TRIO: variants seen among roughly 807,000 people sequenced by gnomAD.
TRIO encodes triple functional domain protein.
In TRIO, 58 loss-of-function variants were observed where a neutral mutation model predicts 351.9. The observed-to-expected ratio is 0.16, with a 90% CI of 0.13 to 0.21. TRIO has a LOEUF of 0.21. Ranked by LOEUF, TRIO falls within the 10% of genes least tolerant of loss-of-function variation. The pLI is 1.00. For missense variants in TRIO, 3,201 were observed against 4,027.8 expected (o/e 0.79, Z 5.56); for synonymous variants, 1,758 against 1,595.7 (o/e 1.10, Z -2.42).
At chr5:14,324,777 G>T (rs1444399283) in intron 9 of TRIO, among the ~76,000 whole-genome samples, 2 of 152,248 alleles carry the variant, frequency 1.3e-5, no homozygotes, top group Non-Finnish European at 2.9e-5. Context: ...ATTTCTCAAA[G>T]ATTAGAAAAG....
At chr5:14,300,672 C>T (rs1737796236) in intron 7 of TRIO, among the ~76,000 whole-genome samples, 1 of 152,228 alleles carries the variant, frequency 6.6e-6, no homozygotes, top group Admixed American at 6.5e-5. Context: ...TTAAATCAGC[C>T]TGGTGGAGCA....
chr5:14,461,301 C>T lies in TRIO; in HGVS notation c.5486C>T (p.Thr1829Met), dbSNP rs760274582. The change falls in exon 35 of 57, where the codon ACG becomes ATG. Residue 1829 changes from threonine (T) to methionine (M), a missense_variant. Physicochemically the swap from Thr to Met is moderately conservative, Grantham distance 81 (BLOSUM62 -1). Transcript: ENST00000344204. ...DDSAATPQDE[T>M]VEERGRNEGL... is the part of the protein sequence containing the mutation. Reference sequence around the variant, plus strand: ...AGTGCGGCCACCCCGCAGGACGAGACGGTCGAGGAGGTGAGGCTCTGCCCG... The same window carrying T: ...AGTGCGGCCACCCCGCAGGACGAGATGGTCGAGGAGGTGAGGCTCTGCCCG... The T allele has an allele frequency of 3.2e-6, 5 of 1,577,950 alleles. No individual in the cohort carries two copies. Among genetic ancestry groups the T allele is most frequent in the Middle Eastern group, 1.7e-4 (1 of 5,948 alleles).
intron 1 of TRIO, among the ~76,000 whole-genome samples, chr5:14,220,918 G>T (rs781775041): frequency 1.3e-5 from 2 of 152,216 alleles, no homozygotes; most frequent in Non-Finnish European, 2.9e-5. Context: ...TTCAGTGTAG[G>T]CAAAACAGCC....
chr5:14,447,682 T>C (rs1401607057), intron 34 of TRIO, among the ~76,000 whole-genome samples: 1 of 151,950 alleles, frequency 6.6e-6, no homozygotes, highest in Non-Finnish European at 1.5e-5. Flanking sequence ...AGTGATTTCA[T>C]TTTTTTTCAA....
At chr5:14,301,078 C>G (rs1423018450) in intron 7 of TRIO, among the ~76,000 whole-genome samples, 2 of 152,060 alleles carry the variant, frequency 1.3e-5, no homozygotes, top group African/African-American at 2.4e-5. Context: ...ATGAGTGGCT[C>G]CCAGATTGGA....
At chr5:14,417,703 G>A (rs932540518) in intron 33 of TRIO, among the ~76,000 whole-genome samples, 1 of 152,246 alleles carries the variant, frequency 6.6e-6, no homozygotes, top group East Asian at 1.9e-4. Context: ...GGTGACAGGG[G>A]AGAGCTGAGC....
At chr5:14,387,255 G>GCTCT (rs1383196635) in intron 21 of TRIO, 183 bp from the exon 22 acceptor site, 3 of 555,800 alleles carry the variant, frequency 5.4e-6, no homozygotes, top group Non-Finnish European at 9.6e-6. Flanking sequence ...CAGAGCTGAG[G>GCTCT]AGAGATAGCT....
chr5:14,251,504 C>T (rs972395757), intron 1 of TRIO, among the ~76,000 whole-genome samples: 1 of 152,192 alleles, frequency 6.6e-6, no homozygotes, highest in Non-Finnish European at 1.5e-5. Context: ...TTGGTGCTGC[C>T]GTCTTGGCGC....
chr5:14,288,968 A>C (rs1736679843), intron 4 of TRIO, among the ~76,000 whole-genome samples: 1 of 152,188 alleles, frequency 6.6e-6, no homozygotes, highest in East Asian at 1.9e-4. Flanking sequence ...GAGGCCAGGC[A>C]CAGTGGCTCA....
chr5:14,367,696 G>GC (rs139322731), intron 16 of TRIO, among the ~76,000 whole-genome samples: 2,168 of 152,312 alleles, frequency 0.014, 65 homozygotes, highest in African/African-American at 0.05. Flanking sequence ...TTTGATTACA[G>GC]AAATGTTATC....
chr5:14,406,106 T>C, intron 32 of TRIO, 116 bp downstream of exon 32: 1 of 1,388,324 alleles, frequency 7.2e-7, no homozygotes, highest in Non-Finnish European at 9.7e-7. Flanking sequence ...ATACATTTTT[T>C]AAACTGCCAT....
chr5:14,207,389 TACACACAC>T (rs70964544), intron 1 of TRIO, among the ~76,000 whole-genome samples: 389 of 11,712 alleles, frequency 0.033, 67 homozygotes, highest in South Asian at 0.045. Flanking sequence ...CAAGACTGTC[TACACACAC>T]ACACACACAC....
intron 1 of TRIO, among the ~76,000 whole-genome samples, chr5:14,147,308 T>C (rs1451236794): frequency 1.3e-5 from 2 of 152,194 alleles, no homozygotes; most frequent in African/African-American, 4.8e-5. Context: ...TGCTCTTTCC[T>C]GGTCGCTTCT....
At chr5:14,162,511 T>C (rs1164132279) in intron 1 of TRIO, among the ~76,000 whole-genome samples, 2 of 152,180 alleles carry the variant, frequency 1.3e-5, no homozygotes, top group Non-Finnish European at 2.9e-5. Context: ...CTAAAATGGG[T>C]ATTAGATATG....
chr5:14,465,452 C>G (rs917812824), intron 36 of TRIO, 93 bp from the exon 37 acceptor site: 3 of 1,237,940 alleles, frequency 2.4e-6, no homozygotes, highest in Non-Finnish European at 3.5e-6. Flanking sequence ...ATTACTTTCA[C>G]AAGAGATGGA....
chr5:14,334,762 C>G (rs186507026), intron 10 of TRIO, among the ~76,000 whole-genome samples: 25 of 152,378 alleles, frequency 1.6e-4, no homozygotes, highest in Non-Finnish European at 2.8e-4. Flanking sequence ...TAAGCAGGGA[C>G]TTCCAAGCCT....
At chr5:14,369,586 GCA>G in intron 18 of TRIO, 63 bp downstream of exon 18, 1 of 1,522,450 alleles carries the variant, frequency 6.6e-7, no homozygotes, top group Non-Finnish European at 8.8e-7. Context: ...GGTGCGCGTG[GCA>G]CAGTCATCGC....
chr5:14,155,246 A>G (rs1001282567), intron 1 of TRIO, among the ~76,000 whole-genome samples: 3 of 152,274 alleles, frequency 2.0e-5, no homozygotes, highest in Non-Finnish European at 2.9e-5. Context: ...CTCTTTCTGG[A>G]TATAGCTAAT....
In TRIO at chr5:14,507,233, C is replaced by G; in HGVS notation, c.8724C>G (p.Asn2908Lys). Reference sequence around the variant, plus strand: ...TGGAAGCTGTCCGGTACCTGCACAACTGCAGGATAGCACACCTGGACCTAA... The same window carrying G: ...TGGAAGCTGTCCGGTACCTGCACAAGTGCAGGATAGCACACCTGGACCTAA... The part of the protein sequence containing the change: ...EVLEAVRYLH[N>K]CRIAHLDLKP... Residue 2908 changes from asparagine to lysine, a missense_variant, in exon 56 of 57, where the codon AAC becomes AAG. Asn to Lys is a moderately conservative substitution (Grantham distance 94, BLOSUM62 0). Around this residue, in one of 19 missense-constraint regions of TRIO, gnomAD observed 233 missense variants for 292.6 expected, o/e 0.80. Transcript: ENST00000344204. 6.2e-7 allele frequency: 1 copy of G among 1,611,882 alleles called. No homozygotes were observed. Among genetic ancestry groups the G allele is most frequent in the Non-Finnish European group, 8.5e-7 (1 of 1,179,912 alleles).
Sources: gnomAD v4.1 joint callset for allele counts (sites outside exome capture counted in the v4.1 genomes callset) on GRCh38, gnomAD v4.1.1 for gene constraint, gnomAD v4.1.1 regional missense constraint, MANE v1.5 for transcripts, NCBI Gene and HGNC (gene_info 2026-07-23, HGNC 2026-07-21) for gene names.